Variants in ARHGAP18 observed in about 807,000 individuals in gnomAD.
ARHGAP18 encodes the protein Rho GTPase activating protein 18.
A neutral mutation model predicts 86.2 loss-of-function variants in ARHGAP18; 67 were observed. The ratio of observed to expected loss-of-function variants is 0.78; its 90% confidence interval spans 0.64 to 0.95. The LOEUF (loss-of-function observed/expected upper bound fraction) is 0.95, where lower values mean the gene tolerates loss of function less well. ARHGAP18 is among the 40% of genes least tolerant of loss of function. ARHGAP18 has a pLI of 0.00. For synonymous variants in ARHGAP18, 283 were observed against 280.4 expected (o/e 1.01, Z -0.09); for missense variants, 691 against 780.4 (o/e 0.89, Z 1.37).
chr6:129,665,829 G>A (rs1279154922), intron 1 of ARHGAP18, among the ~76,000 whole-genome samples: 2 of 151,996 alleles, frequency 1.3e-5, no homozygotes, highest in Non-Finnish European at 2.9e-5. Flanking sequence ...GACCAATAAT[G>A]TTACCTCTTT....
chr6:129,582,127 T>G (rs1788301544), intron 13 of ARHGAP18, among the ~76,000 whole-genome samples: 1 of 146,570 alleles, frequency 6.8e-6, no homozygotes, highest in South Asian at 2.2e-4. Context: ...TCCATCTAGG[T>G]GGAGAAGGAA....
intron 11 of ARHGAP18, among the ~76,000 whole-genome samples, chr6:129,600,219 C>T (rs1439393698): frequency 6.6e-6 from 1 of 152,116 alleles, no homozygotes; most frequent in African/African-American, 2.4e-5. Flanking sequence ...AGCCTCTCAT[C>T]CACTTCCATC....
chr6:129,685,375 C>CAGGCACCTGTAT (rs1422528693), intron 1 of ARHGAP18, among the ~76,000 whole-genome samples: 1 of 112,674 alleles, frequency 8.9e-6, no homozygotes, highest in Non-Finnish European at 1.7e-5. Context: ...GGCATGGTGG[C>CAGGCACCTGTAT]AGGCACCTGT....
intron 13 of ARHGAP18, 80 bp downstream of exon 13, chr6:129,583,905 GGAA>G (rs1352464407): frequency 3.4e-5 from 49 of 1,423,318 alleles, no homozygotes; most frequent in African/African-American, 2.0e-4. Context: ...AAAAAAAAAA[GGAA>G]GAAGAAGCAG....
At chr6:129,693,094 A>C (rs574072056) in intron 1 of ARHGAP18, among the ~76,000 whole-genome samples, 21 of 152,328 alleles carry the variant, frequency 1.4e-4, no homozygotes, top group Admixed American at 1.0e-3. Context: ...TTACTACATG[A>C]AAAAGAGCTG....
At chr6:129,618,459 G>T (rs1349580703) in intron 6 of ARHGAP18, among the ~76,000 whole-genome samples, 3 of 152,168 alleles carry the variant, frequency 2.0e-5, no homozygotes, top group African/African-American at 7.2e-5. Context: ...CCTTCTATGA[G>T]AATTAAATTC....
intron 1 of ARHGAP18, among the ~76,000 whole-genome samples, chr6:129,645,696 G>T (rs1354804054): frequency 1.3e-5 from 2 of 152,176 alleles, no homozygotes. Context: ...GCTCTATAAA[G>T]AATCGCTTCC....
chr6:129,641,716 G>A, intron 2 of ARHGAP18, 100 bp downstream of exon 2: 1 of 1,113,090 alleles, frequency 9.0e-7, no homozygotes, highest in Non-Finnish European at 1.3e-6. Context: ...TTTTTTGGTG[G>A]TCCTAGCTTT....
At chr6:129,687,978 C>T (rs1009283533) in intron 1 of ARHGAP18, among the ~76,000 whole-genome samples, 1 of 152,172 alleles carries the variant, frequency 6.6e-6, no homozygotes, top group African/African-American at 2.4e-5. Context: ...GTCAATCCAT[C>T]AGAACAGTTC....
In ARHGAP18 at chr6:129,629,325, G is replaced by T. The variant is rs765671446; in HGVS notation, c.786+28C>A. ...TATATATATGTATATGTACATATATGTATATTTATAAAGAGTGTACTACGT... is the reference window on the plus strand; with the variant it reads ...TATATATATGTATATGTACATATATTTATATTTATAAAGAGTGTACTACGT... On this transcript the variant is annotated intron_variant, in intron 5 of 14. Coordinates refer to ENST00000368149, the MANE Select transcript of ARHGAP18 (RefSeq NM_033515.3). The T allele has an allele frequency of 2.5e-6, 4 of 1,595,294 alleles. No homozygotes were observed. In the East Asian group the frequency reaches 8.9e-5, roughly 36 times the overall value.
intron 1 of ARHGAP18, among the ~76,000 whole-genome samples, chr6:129,648,514 G>A (rs1294733186): frequency 2.0e-5 from 3 of 148,574 alleles, no homozygotes; most frequent in Non-Finnish European, 4.5e-5. Flanking sequence ...GCTTACACTT[G>A]TAATCCCACC....
intron 1 of ARHGAP18, among the ~76,000 whole-genome samples, chr6:129,675,488 G>A (rs887323143): frequency 6.6e-6 from 1 of 152,084 alleles, no homozygotes; most frequent in Non-Finnish European, 1.5e-5. Flanking sequence ...CATCTGCAAG[G>A]TGTGGGCGGG....
intron 13 of ARHGAP18, among the ~76,000 whole-genome samples, chr6:129,581,474 C>T (rs1420222773): frequency 6.6e-6 from 1 of 152,082 alleles, no homozygotes; most frequent in Non-Finnish European, 1.5e-5. Flanking sequence ...AAGAGAGTCC[C>T]TATTTCTGTG....
intron 5 of ARHGAP18, among the ~76,000 whole-genome samples, chr6:129,623,864 A>G: frequency 6.6e-6 from 1 of 152,228 alleles, no homozygotes; most frequent in Non-Finnish European, 1.5e-5. Flanking sequence ...TATTTATTTG[A>G]TCTAATATAA....
rs143610690 is a variant in ARHGAP18, at chr6:129,581,187, T to G, written c.1839-1056A>C. Among the ~76,000 whole-genome samples, 4 of 152,326 alleles carry G rather than the reference T, an allele frequency of 2.6e-5. No homozygotes were observed. In the East Asian group the frequency reaches 7.7e-4, roughly 29 times the overall value. ...AGAGAAAATCAGGTCTGACTTGTAT[T>G]CAAGCCATTAGGAAGAGCATGGTAC... On this transcript the variant is annotated intron_variant, in intron 13 of 14. Coordinates refer to ENST00000368149, the MANE Select transcript of ARHGAP18 (RefSeq NM_033515.3).
chr6:129,677,420 A>G (rs2114534048), intron 1 of ARHGAP18, among the ~76,000 whole-genome samples: 1 of 151,920 alleles, frequency 6.6e-6, no homozygotes, highest in African/African-American at 2.4e-5. Context: ...GCTTTTGTTG[A>G]CTAATATACC....
At chr6:129,675,645 T>C (rs1369455750) in intron 1 of ARHGAP18, among the ~76,000 whole-genome samples, 2 of 152,208 alleles carry the variant, frequency 1.3e-5, no homozygotes, top group Non-Finnish European at 2.9e-5. Flanking sequence ...CTGCTTAGTA[T>C]AAATGGACCT....
At chr6:129,581,549 C>T (rs1788289257) in intron 13 of ARHGAP18, among the ~76,000 whole-genome samples, 1 of 152,104 alleles carries the variant, frequency 6.6e-6, no homozygotes, top group African/African-American at 2.4e-5. Flanking sequence ...ATATTGCTGT[C>T]AGACTGATTC....
intron 12 of ARHGAP18, among the ~76,000 whole-genome samples, chr6:129,584,344 A>T (rs1422786848): frequency 6.6e-6 from 1 of 152,210 alleles, no homozygotes; most frequent in African/African-American, 2.4e-5. Context: ...ATTTTTAAAG[A>T]TGTAAAGAAT....
Sources: allele counts gnomAD v4.1 joint callset (sites outside exome capture counted in the v4.1 genomes callset), GRCh38; gene constraint gnomAD v4.1.1; transcripts MANE v1.5; gene names NCBI Gene and HGNC (gene_info 2026-07-23, HGNC 2026-07-21).